AXDND1: variants seen among roughly 807,000 people sequenced by gnomAD.
AXDND1 encodes the protein axonemal dynein light chain domain containing 1, also known as axonemal dynein light chain domain-containing protein 1.
Under a neutral mutation model 137.5 loss-of-function variants are expected in AXDND1, and 110 were observed. The observed-to-expected ratio is 0.80, with a 90% confidence interval of 0.69 to 0.94. The LOEUF (loss-of-function observed/expected upper bound fraction) is 0.94, where lower values mean the gene tolerates loss of function less well. AXDND1 is among the 40% of genes least tolerant of loss of function. The pLI, the probability that AXDND1 is intolerant of heterozygous loss-of-function variation, is 0.00. For synonymous variants in AXDND1, 414 were observed against 399.7 expected (o/e 1.04, Z -0.43); for missense variants, 1,191 against 1,169.8 (o/e 1.02, Z -0.26).
upstream of AXDND1, chr1:179,365,824 T>C (rs1438173917): frequency 6.6e-6 from 1 of 152,262 alleles, no homozygotes; most frequent in Non-Finnish European, 1.5e-5. Flanking sequence ...GAACCTATGC[T>C]GTGACTTAGA....
At chr1:179,515,416 T>C (rs1418608851) in intron 21 of AXDND1, among the ~76,000 whole-genome samples, 10 of 152,210 alleles carry the variant, frequency 6.6e-5, no homozygotes, top group Admixed American at 1.3e-4. Flanking sequence ...CCCTTCCAGC[T>C]TGTAGGGTGT....
rs558171048 is a variant in AXDND1 at position 179,452,809 on chromosome 1, A to C, written c.1798+7605A>C. The C allele has an allele frequency of 1.9e-4, 29 of 151,708 alleles. 1 individual carries two copies. The highest frequency in any genetic ancestry group is 6.8e-4 in the African/African-American group (28 of 41,310). The allele number at this position is 151,708 out of a possible 1,614,324, so 9.4% of individuals were successfully genotyped here. A position where few individuals can be genotyped will look rare whatever the true frequency, so the allele number is the denominator to read the frequency against. On this transcript the variant is annotated intron_variant, in intron 16 of 25. Transcript: ENST00000367618. Reference sequence around the variant, plus strand: ...TGGGGAGCCAACTGTTAATCCCCCGAGACCATGGGGAAAATGTCTTCAGGG... The same window carrying C: ...TGGGGAGCCAACTGTTAATCCCCCGCGACCATGGGGAAAATGTCTTCAGGG...
Position 179,445,217 on chromosome 1 carries a change from T to C in AXDND1, c.1798+13T>C. The C allele has an allele frequency of 7.0e-7, 1 of 1,420,422 alleles. No individual in the cohort carries two copies. The highest frequency in any genetic ancestry group is 9.6e-7 in the Non-Finnish European group (1 of 1,043,526). 88.0% of individuals were successfully genotyped at this position (1,420,422 alleles called of 1,614,324 possible). A position where few individuals can be genotyped will look rare whatever the true frequency, so the allele number is the denominator to read the frequency against. On this transcript the variant is annotated intron_variant, in intron 16 of 25. Coordinates refer to ENST00000367618, the MANE Select transcript of AXDND1 (RefSeq NM_144696.6). The stretch of plus-strand genomic sequence containing the variant: ...AATGGGGACAATGGTAAGAAAATAC[T>C]CATAATAATTAGATTTCTTGGTATA...
intron 19 of AXDND1, among the ~76,000 whole-genome samples, chr1:179,492,356 T>C (rs938826832): frequency 4.6e-5 from 7 of 151,952 alleles, no homozygotes; most frequent in African/African-American, 1.7e-4. Flanking sequence ...ATTACAGCCA[T>C]GAGCCACCAT....
At chr1:179,468,816 A>G (rs1663558521) in intron 17 of AXDND1, 175 bp downstream of exon 17, 1 of 461,594 alleles carries the variant, frequency 2.2e-6, no homozygotes, top group East Asian at 3.6e-5. Context: ...CTCAAAAAGA[A>G]GCCTTATGCA....
chr1:179,381,540 C>T (rs1288695871), intron 6 of AXDND1, among the ~76,000 whole-genome samples: 2 of 151,510 alleles, frequency 1.3e-5, no homozygotes, highest in South Asian at 2.1e-4. Flanking sequence ...GATGGGGTTT[C>T]GCCATGTTGG....
chr1:179,464,637 A>G (rs1287088969), intron 16 of AXDND1, among the ~76,000 whole-genome samples: 2 of 151,924 alleles, frequency 1.3e-5, no homozygotes, highest in African/African-American at 4.8e-5. Flanking sequence ...CATTCTCTGT[A>G]TTTCCTGAAT....
intron 22 of AXDND1, 42 bp downstream of exon 22, chr1:179,525,489 A>C (rs372179953): frequency 4.3e-5 from 65 of 1,507,542 alleles, no homozygotes; most frequent in Non-Finnish European, 5.6e-5. Context: ...ACATACATAC[A>C]TACATACATA....
intron 4 of AXDND1, among the ~76,000 whole-genome samples, chr1:179,373,968 T>C (rs1390221136): frequency 6.6e-6 from 1 of 151,996 alleles, no homozygotes; most frequent in Non-Finnish European, 1.5e-5. Flanking sequence ...AAAACCAAAA[T>C]TGACAAATGG....
chr1:179,503,036 G>T (rs971318840), intron 20 of AXDND1, among the ~76,000 whole-genome samples: 2 of 151,630 alleles, frequency 1.3e-5, no homozygotes, highest in African/African-American at 4.8e-5. Flanking sequence ...CGGAGGTTGC[G>T]GTGAGGTGAG....
intron 18 of AXDND1, among the ~76,000 whole-genome samples, chr1:179,483,710 A>G (rs1025349834): frequency 6.6e-6 from 1 of 152,198 alleles, no homozygotes; most frequent in Non-Finnish European, 1.5e-5. Flanking sequence ...ATTTTCTAGA[A>G]TTTAATTTTT....
intron 25 of AXDND1, chr1:179,551,181 TG>T: frequency 6.2e-7 from 1 of 1,613,962 alleles, no homozygotes; most frequent in Non-Finnish European, 8.5e-7. Context: ...TCCTATAACA[TG>T]GGAGAGTCTT....
rs574932520 is a variant in AXDND1, at chr1:179,412,947, G to C, written c.1230+1681G>C. Among the ~76,000 whole-genome samples the C allele has an allele frequency of 9.2e-5, 14 of 152,214 alleles. No individual in the cohort carries two copies. The South Asian group carries it at 2.7e-3, about 29-fold the overall frequency. Reference sequence around the variant, plus strand: ...ATATACCCTTTATTGGGTTGTGGAAGTTCCCTTAAATTTTTCATTTGTTTA... The same window carrying C: ...ATATACCCTTTATTGGGTTGTGGAACTTCCCTTAAATTTTTCATTTGTTTA... On this transcript the variant is annotated intron_variant, in intron 12 of 25. Coordinates refer to ENST00000367618, the MANE Select transcript of AXDND1 (RefSeq NM_144696.6).
intron 16 of AXDND1, among the ~76,000 whole-genome samples, chr1:179,467,948 C>A (rs1663428498): frequency 1.3e-5 from 2 of 152,126 alleles, no homozygotes; most frequent in South Asian, 4.1e-4. Context: ...ACATTAGGAT[C>A]CACACTCAAG....
intron 25 of AXDND1, among the ~76,000 whole-genome samples, chr1:179,540,550 A>G (rs779898312): frequency 4.6e-5 from 7 of 152,150 alleles, no homozygotes; most frequent in East Asian, 1.9e-4. Flanking sequence ...TTGCTGCCCA[A>G]TCCTTCCTCT....
rs77003372 is a variant in AXDND1, at chr1:179,468,023, A to T, written c.1799-420A>T. ...GATCAATAACCTAAAAAATGACTCA[A>T]GAACTATGATAATCTATTTTAATTT... On this transcript the variant is annotated intron_variant, in intron 16 of 25. Coordinates refer to ENST00000367618, the MANE Select transcript of AXDND1 (RefSeq NM_144696.6). Among the ~76,000 whole-genome samples, 430 of 152,322 alleles carry T rather than the reference A, an allele frequency of 2.8e-3. 1 individual carries two copies. The highest frequency in any genetic ancestry group is 4.9e-3 in the Non-Finnish European group (333 of 68,018).
intron 4 of AXDND1, among the ~76,000 whole-genome samples, chr1:179,377,252 T>C (rs113066869): frequency 2.0e-4 from 31 of 152,348 alleles, no homozygotes; most frequent in African/African-American, 7.0e-4. Context: ...AATATTTCTG[T>C]ATTGTCATTC....
intron 16 of AXDND1, among the ~76,000 whole-genome samples, chr1:179,461,889 T>C (rs1475359134): frequency 6.6e-6 from 1 of 152,210 alleles, no homozygotes; most frequent in Non-Finnish European, 1.5e-5. Flanking sequence ...TTTTGCACAT[T>C]GATTTTGTAT....
At chr1:179,507,812 C>G (rs1668676293) in intron 20 of AXDND1, among the ~76,000 whole-genome samples, 1 of 151,992 alleles carries the variant, frequency 6.6e-6, no homozygotes, top group Non-Finnish European at 1.5e-5. Context: ...TAGGCATTTA[C>G]TCAAGAACTC....
Sources: gnomAD v4.1 joint callset for allele counts (sites outside exome capture counted in the v4.1 genomes callset) on GRCh38, gnomAD v4.1.1 for gene constraint, MANE v1.5 for transcripts, NCBI Gene and HGNC (gene_info 2026-07-23, HGNC 2026-07-21) for gene names.